ADGRL3: variants seen among roughly 807,000 people sequenced by gnomAD.
ADGRL3 encodes the protein adhesion G protein-coupled receptor L3.
Under a neutral mutation model 153.5 loss-of-function variants are expected in ADGRL3, and 62 were observed. That is an observed-to-expected ratio of 0.40 (90% CI 0.33 to 0.50). The LOEUF (loss-of-function observed/expected upper bound fraction) is 0.50. Ranked by LOEUF, ADGRL3 falls within the 20% of genes least tolerant of loss-of-function variation. The pLI is 0.47. For missense variants in ADGRL3, 1,641 were observed against 1,859.4 expected (o/e 0.88, Z 2.16); for synonymous variants, 710 against 672.5 (o/e 1.06, Z -0.86).
chr4:61,852,377 C>A (rs868374133), intron 9 of ADGRL3, among the ~76,000 whole-genome samples: 2 of 151,844 alleles, frequency 1.3e-5, no homozygotes, highest in Admixed American at 6.6e-5. Flanking sequence ...TGCCGTGGCA[C>A]AGTCTCAACT....
intron 4 of ADGRL3, among the ~76,000 whole-genome samples, chr4:61,522,736 C>T (rs1336277266): frequency 6.6e-6 from 1 of 152,052 alleles, no homozygotes; most frequent in Non-Finnish European, 1.5e-5. Flanking sequence ...GCCAGAAGGC[C>T]TACATCTAGT....
chr4:62,067,779 A>G (rs781748322), intron 25 of ADGRL3, among the ~76,000 whole-genome samples: 5 of 152,070 alleles, frequency 3.3e-5, no homozygotes, highest in Non-Finnish European at 5.9e-5. Flanking sequence ...TGAAGCACGT[A>G]TACTCTAACA....
intron 5 of ADGRL3, among the ~76,000 whole-genome samples, chr4:61,642,548 C>G (rs1207085173): frequency 6.6e-5 from 10 of 152,052 alleles, no homozygotes; most frequent in Non-Finnish European, 1.2e-4. Flanking sequence ...ATAGGGAATC[C>G]TTTCCCCATT....
intron 2 of ADGRL3, among the ~76,000 whole-genome samples, chr4:61,404,727 G>C (rs1433260325): frequency 6.6e-6 from 1 of 151,930 alleles, no homozygotes; most frequent in Non-Finnish European, 1.5e-5. Flanking sequence ...GTTCACTTTT[G>C]TGCTTTGCAA....
At chr4:61,823,897 T>G (rs557725607) in intron 9 of ADGRL3, among the ~76,000 whole-genome samples, 89 of 152,038 alleles carry the variant, frequency 5.9e-4, no homozygotes, top group African/African-American at 2.0e-3. Flanking sequence ...CTGTCTCTAC[T>G]AAAAATACAA....
chr4:61,631,040 T>A (rs2093134380), intron 5 of ADGRL3, among the ~76,000 whole-genome samples: 1 of 152,218 alleles, frequency 6.6e-6, no homozygotes, highest in African/African-American at 2.4e-5. Flanking sequence ...GTAATTCTAT[T>A]ATATTCCCAT....
At chr4:61,432,588 T>TTC (rs369209781) in intron 2 of ADGRL3, among the ~76,000 whole-genome samples, 98 of 7,234 alleles carry the variant, frequency 0.014, 4 homozygotes, top group South Asian at 0.046. Context: ...CTTTCTTTCT[T>TTC]TCTTTCTTTC....
intron 5 of ADGRL3, among the ~76,000 whole-genome samples, chr4:61,633,014 G>A (rs1221147683): frequency 6.6e-6 from 1 of 152,032 alleles, no homozygotes; most frequent in Admixed American, 6.6e-5. Flanking sequence ...ATACCTTCAT[G>A]TATTACTTTA....
At chr4:61,377,505 A>G (rs1455310124) in intron 1 of ADGRL3, among the ~76,000 whole-genome samples, 1 of 152,032 alleles carries the variant, frequency 6.6e-6, no homozygotes, top group Non-Finnish European at 1.5e-5. Flanking sequence ...AATCAATTAT[A>G]TGTTTTTCAA....
intron 21 of ADGRL3, among the ~76,000 whole-genome samples, chr4:62,025,602 G>T (rs918865031): frequency 1.3e-5 from 2 of 152,032 alleles, no homozygotes; most frequent in African/African-American, 4.8e-5. Flanking sequence ...AGGCCTCGTT[G>T]TTGATTGAGG....
intron 1 of ADGRL3, among the ~76,000 whole-genome samples, chr4:61,281,464 G>A (rs537355027): frequency 1.3e-5 from 2 of 152,258 alleles, no homozygotes; most frequent in South Asian, 4.1e-4. Context: ...ATGCTTGCAG[G>A]TAGCTTTATT....
Position 61,336,256 on chromosome 4 carries a change from G to A in ADGRL3, c.-239-46868G>A, listed in dbSNP as rs540811142. Among the ~76,000 whole-genome samples, 4 of 152,254 alleles carry A rather than the reference G, an allele frequency of 2.6e-5. No individual in the cohort carries two copies. The East Asian group carries it at 7.7e-4, about 29-fold the overall frequency. On this transcript the variant is annotated intron_variant, in intron 1 of 26. Coordinates refer to ENST00000683033, the MANE Select transcript of ADGRL3 (RefSeq NM_001387552.1). ...ATCCAAACAATTAGTTTCCCCTGAA[G>A]CCTCTTGAAAAATTATCCTTTTGTG...
intron 1 of ADGRL3, among the ~76,000 whole-genome samples, chr4:61,296,721 A>G (rs946170548): frequency 2.6e-5 from 4 of 152,212 alleles, no homozygotes; most frequent in African/African-American, 9.6e-5. Context: ...TTTTCAAAAT[A>G]TAGTATCATT....
At chr4:61,585,219 T>G (rs1036203471) in intron 4 of ADGRL3, among the ~76,000 whole-genome samples, 1 of 151,976 alleles carries the variant, frequency 6.6e-6, no homozygotes, top group Non-Finnish European at 1.5e-5. Context: ...GAATTAACTG[T>G]GCAGTGCAGC....
intron 1 of ADGRL3, among the ~76,000 whole-genome samples, chr4:61,294,895 ACACACACT>A (rs56390825): frequency 0.37 from 27,645 of 73,854 alleles, 2,687 homozygotes; most frequent in East Asian, 0.52. Context: ...ACACACACAC[ACACACACT>A]CACACACACA....
At chr4:61,927,494 T>G (rs1473105633) in intron 13 of ADGRL3, among the ~76,000 whole-genome samples, 1 of 152,130 alleles carries the variant, frequency 6.6e-6, no homozygotes, top group Non-Finnish European at 1.5e-5. Flanking sequence ...TAATTTTAAT[T>G]AAGACTTGAA....
At chr4:61,996,735 T>C (rs776713567) in intron 20 of ADGRL3, among the ~76,000 whole-genome samples, 32 of 152,130 alleles carry the variant, frequency 2.1e-4, no homozygotes, top group Admixed American at 3.3e-4. Flanking sequence ...CTTAGAAAGG[T>C]GGGAAAACAC....
intron 3 of ADGRL3, among the ~76,000 whole-genome samples, chr4:61,498,547 C>G (rs1043025007): frequency 6.6e-6 from 1 of 150,882 alleles, no homozygotes; most frequent in African/African-American, 2.4e-5. Flanking sequence ...GAGACTCTGT[C>G]TCAAAAAAAA....
chr4:62,048,453 G>A (rs1279274757), intron 25 of ADGRL3, among the ~76,000 whole-genome samples: 1 of 151,838 alleles, frequency 6.6e-6, no homozygotes, highest in East Asian at 1.9e-4. Context: ...AGTAGAGACG[G>A]GGTTTCATCA....
Sources: gnomAD v4.1 joint callset for allele counts (sites outside exome capture counted in the v4.1 genomes callset) on GRCh38, gnomAD v4.1.1 for gene constraint, MANE v1.5 for transcripts, NCBI Gene and HGNC (gene_info 2026-07-23, HGNC 2026-07-21) for gene names.